Variants in RYR3 observed in about 807,000 individuals in gnomAD.
RYR3 encodes the protein brain ryanodine receptor-calcium release channel.
RYR3 carries 207 observed loss-of-function variants against 584.3 expected under a neutral mutation model. The ratio of observed to expected loss-of-function variants is 0.35; its 90% CI spans 0.32 to 0.40. The LOEUF is 0.40. Ranked by LOEUF, RYR3 falls within the 10% of genes least tolerant of loss-of-function variation. RYR3 has a pLI of 1.00. For missense variants in RYR3, 5,616 were observed against 6,089.2 expected (o/e 0.92, Z 2.59); for synonymous variants, 2,416 against 2,248.5 (o/e 1.07, Z -2.11).
At chr15:33,391,868 C>T (rs2042019381) in intron 1 of RYR3, among the ~76,000 whole-genome samples, 1 of 152,030 alleles carries the variant, frequency 6.6e-6, no homozygotes, top group African/African-American at 2.4e-5. Flanking sequence ...ACACTGTATC[C>T]TTATGCCTCA....
At chr15:33,840,780 C>T (rs758928699) in intron 89 of RYR3, 45 bp from the exon 90 acceptor site, 1 of 1,590,288 alleles carries the variant, frequency 6.3e-7, no homozygotes, top group African/African-American at 1.3e-5. Context: ...TCATCATGAC[C>T]TCGCTTCTTT....
In RYR3 at chr15:33,765,030, C is replaced by CAAAAAAA. The variant is rs1183335863; in HGVS notation, c.8706-3614_8706-3608dup. ...TGGGCAACAGAGCAAGACTTCGTCT[C>CAAAAAAA]AAAAAAAAAAAAAAAAAAAAGACAT... On this transcript the variant is annotated intron_variant, in intron 60 of 103. Transcript: ENST00000634891. Among the ~76,000 whole-genome samples the CAAAAAAA allele has an allele frequency of 1.1e-3, 95 of 85,660 alleles. 1 individual carries two copies. Among genetic ancestry groups the CAAAAAAA allele is most frequent in the African/African-American group, 1.9e-3 (37 of 19,560 alleles). The allele number at this position is 85,660 out of a possible 152,430, so 56.2% of individuals were successfully genotyped here.
At chr15:33,511,928 G>A (rs758222282) in intron 3 of RYR3, among the ~76,000 whole-genome samples, 7 of 152,034 alleles carry the variant, frequency 4.6e-5, no homozygotes, top group Non-Finnish European at 7.4e-5. Context: ...ACAGGCGCCC[G>A]CCACCACGCC....
chr15:33,850,824 CTATCTACATTT>C (rs1246669465), intron 94 of RYR3: 4 of 152,168 alleles, frequency 2.6e-5, no homozygotes, highest in Non-Finnish European at 5.9e-5. Flanking sequence ...CAACCCACAG[CTATCTACATTT>C]TTGATGTTCA....
At chr15:33,707,902 C>T (rs973866622) in intron 43 of RYR3, among the ~76,000 whole-genome samples, 2 of 152,154 alleles carry the variant, frequency 1.3e-5, no homozygotes, top group Non-Finnish European at 2.9e-5. Context: ...CTCTACCCTC[C>T]CATTTCACCT....
chr15:33,473,373 T>A (rs1270530581), intron 1 of RYR3, 46 bp from the exon 2 acceptor site: 14 of 1,612,146 alleles, frequency 8.7e-6, no homozygotes, highest in Non-Finnish European at 1.1e-5. Context: ...GGGGCCTGGC[T>A]CAGCAGTTCC....
intron 86 of RYR3, among the ~76,000 whole-genome samples, chr15:33,834,043 A>C (rs191145654): frequency 6.6e-6 from 1 of 152,260 alleles, no homozygotes; most frequent in Admixed American, 6.5e-5. Context: ...GCACTTTGAG[A>C]GGCTAAGGCG....
chr15:33,668,694 TTAA>T (rs1412974146), intron 36 of RYR3, among the ~76,000 whole-genome samples: 1 of 152,192 alleles, frequency 6.6e-6, no homozygotes, highest in Non-Finnish European at 1.5e-5. Flanking sequence ...TATAAACTTG[TTAA>T]TAATGCAAAT....
intron 1 of RYR3, among the ~76,000 whole-genome samples, chr15:33,349,728 A>G (rs1182946209): frequency 4.5e-5 from 6 of 134,718 alleles, no homozygotes; most frequent in South Asian, 2.6e-4. Context: ...ATATCTCCCA[A>G]TGCTATCCCT....
chr15:33,322,331 T>C (rs1308377648), intron 1 of RYR3, among the ~76,000 whole-genome samples: 1 of 152,232 alleles, frequency 6.6e-6, no homozygotes, highest in East Asian at 1.9e-4. Flanking sequence ...AGAGCGAGCA[T>C]GTCACATGGC....
intron 38 of RYR3, among the ~76,000 whole-genome samples, chr15:33,672,203 G>C (rs2063890126): frequency 8.2e-6 from 1 of 122,298 alleles, no homozygotes; most frequent in South Asian, 2.4e-4. Flanking sequence ...GGTAAATGGA[G>C]TCAGTCAGAT....
chr15:33,686,087 AAGATC>A, intron 38 of RYR3, among the ~76,000 whole-genome samples: 1 of 152,326 alleles, frequency 6.6e-6, no homozygotes, highest in East Asian at 1.9e-4. Context: ...AGAAATAACT[AAGATC>A]AGAGCAGAAC....
intron 1 of RYR3, among the ~76,000 whole-genome samples, chr15:33,312,242 G>T (rs1252768426): frequency 6.6e-6 from 1 of 151,994 alleles, no homozygotes; most frequent in Non-Finnish European, 1.5e-5. Context: ...CCATGACCTG[G>T]TCTTCGAAGA....
rs1211335010 is a variant in RYR3 at position 33,696,427 on chromosome 15, A to G, written c.6070A>G (p.Ile2024Val). The change falls in exon 39 of 104, where the codon ATC becomes GTC. Residue 2024 changes from isoleucine (I) to valine (V), a missense_variant. Ile to Val is a conservative substitution (Grantham distance 29). This residue lies in a region of RYR3 where 1,280 missense variants were observed against 1,426.2 expected (regional missense o/e 0.90). Coordinates refer to ENST00000634891, the MANE Select transcript of RYR3 (RefSeq NM_001036.6). ...CAACCTGCTGGCTGCCCTGGGCCAA[A>G]TCCGCTCCCTCCTCAGTGTCAGGAT... is the stretch of plus-strand genomic sequence containing the variant. Reference protein sequence around the residue: ...TINLLAALGQIRSLLSVRMGK... With the variant: ...TINLLAALGQVRSLLSVRMGK... The G allele has an allele frequency of 1.2e-6, 2 of 1,613,892 alleles. No individual in the cohort carries two copies. The highest frequency in any genetic ancestry group is 1.7e-6 in the Non-Finnish European group (2 of 1,179,866).
At chr15:33,531,892 T>C (rs1319075529) in intron 4 of RYR3, among the ~76,000 whole-genome samples, 2 of 152,194 alleles carry the variant, frequency 1.3e-5, no homozygotes, top group Admixed American at 6.5e-5. Flanking sequence ...AACACTTGTC[T>C]TTACCTAAAT....
intron 3 of RYR3, among the ~76,000 whole-genome samples, chr15:33,504,225 A>C (rs1479808961): frequency 6.6e-6 from 1 of 152,234 alleles, no homozygotes; most frequent in South Asian, 2.1e-4. Flanking sequence ...GATGATGAGC[A>C]AGTACAGAAT....
intron 1 of RYR3, among the ~76,000 whole-genome samples, chr15:33,367,421 T>G (rs1465118827): frequency 6.6e-6 from 1 of 152,202 alleles, no homozygotes; most frequent in Non-Finnish European, 1.5e-5. Flanking sequence ...AAAATACAGT[T>G]GGTTTAGTTT....
At chr15:33,785,315 T>TA (rs1265027722) in intron 65 of RYR3, among the ~76,000 whole-genome samples, 16 of 152,202 alleles carry the variant, frequency 1.1e-4, no homozygotes, top group African/African-American at 3.6e-4. Flanking sequence ...GGGGACACAC[T>TA]AAGGCCCAGG....
At chr15:33,488,187 AC>A (rs1462338873) in intron 2 of RYR3, among the ~76,000 whole-genome samples, 1 of 152,178 alleles carries the variant, frequency 6.6e-6, no homozygotes, top group Non-Finnish European at 1.5e-5. Context: ...GGCAATCTGT[AC>A]CTTAGTGGTG....
Sources: allele counts gnomAD v4.1 joint callset (sites outside exome capture counted in the v4.1 genomes callset), GRCh38; gene constraint gnomAD v4.1.1; regional missense constraint gnomAD v4.1.1; transcripts MANE v1.5; gene names NCBI Gene and HGNC (gene_info 2026-07-23, HGNC 2026-07-21).